OTOGL: variants seen among roughly 807,000 people sequenced by gnomAD.
OTOGL encodes the protein otogelin like.
OTOGL carries 285 observed loss-of-function variants against 318.5 expected under a neutral mutation model. The observed-to-expected ratio is 0.89, with a 90% CI of 0.81 to 0.99. The LOEUF is 0.99. Ranked by LOEUF, OTOGL falls within the 50% of genes least tolerant of loss-of-function variation. OTOGL has a pLI of 0.00. For missense variants in OTOGL, 2,899 were observed against 2,845.6 expected, an observed-to-expected ratio of 1.02 and a Z score of -0.43; for synonymous variants, 987 against 936.5, an observed-to-expected ratio of 1.05 and a Z score of -0.99.
At chr12:80,271,242 AG>A (rs1257345699) in intron 23 of OTOGL, among the ~76,000 whole-genome samples, 1 of 152,130 alleles carries the variant, frequency 6.6e-6, no homozygotes, top group Non-Finnish European at 1.5e-5. Flanking sequence ...AGAGCCCAAA[AG>A]CTTTCTGGAA....
chr12:80,152,407 C>T (rs980649709), intron 1 of OTOGL, among the ~76,000 whole-genome samples: 3 of 151,950 alleles, frequency 2.0e-5, no homozygotes, highest in Non-Finnish European at 4.4e-5. Flanking sequence ...TGAGATCTTC[C>T]CTCCCAAATT....
At chr12:80,368,360 C>T in intron 55 of OTOGL, 51 bp downstream of exon 55, 1 of 1,391,402 alleles carries the variant, frequency 7.2e-7, no homozygotes, top group Non-Finnish European at 9.9e-7. Context: ...AGGAGGAGTT[C>T]TTGAGTCAAA....
Position 80,304,011 on chromosome 12 carries a change from C to A in OTOGL, c.3213+1228C>A, listed in dbSNP as rs574361539. 2.2e-4 allele frequency among the ~76,000 whole-genome samples: 34 copies of A among 152,338 alleles called. No homozygotes were observed. The South Asian group carries it at 3.1e-3, about 14-fold the overall frequency. On this transcript the variant is annotated intron_variant, in intron 28 of 58. Transcript: ENST00000547103. ...CCTACCTTTACCTCCTAACCTCAGA[C>A]AACCACTGATTATATTTTCCACTGC...
At chr12:80,144,553 T>G (rs1046334501) in intron 1 of OTOGL, among the ~76,000 whole-genome samples, 4 of 151,024 alleles carry the variant, frequency 2.6e-5, no homozygotes, top group Non-Finnish European at 5.9e-5. Flanking sequence ...TGACTTATAG[T>G]CCTTTGGGTA....
intron 35 of OTOGL, among the ~76,000 whole-genome samples, chr12:80,327,451 C>G (rs1016630004): frequency 6.6e-6 from 1 of 152,092 alleles, no homozygotes. Context: ...TTCTTGAAAA[C>G]GATAGCTTCT....
chr12:80,148,854 GA>G (rs1199538606), intron 1 of OTOGL, among the ~76,000 whole-genome samples: 1 of 152,144 alleles, frequency 6.6e-6, no homozygotes, highest in East Asian at 1.9e-4. Context: ...ATCAGCTCCT[GA>G]GGCTTCTGCA....
At chr12:80,238,822 G>A (rs906597801) in intron 9 of OTOGL, 29 bp from the exon 10 acceptor site, 1 of 1,480,398 alleles carries the variant, frequency 6.8e-7, no homozygotes, top group African/African-American at 1.4e-5. Context: ...CTATTTGTGT[G>A]TGTGTGTGTG....
In OTOGL at chr12:80,339,106, C is replaced by G. The variant is rs1888587907; in HGVS notation, c.4892C>G (p.Pro1631Arg). Reference sequence around the variant, plus strand: ...GTGGATTCCATTGTTGTGCCTTTGCCCTTTTCAAGTCAGGAACTGTCCATA... The same window carrying G: ...GTGGATTCCATTGTTGTGCCTTTGCGCTTTTCAAGTCAGGAACTGTCCATA... The part of the protein sequence containing the change: ...VEVDSIVVPL[P>R]FSSQELSIED... The change falls in exon 43 of 59, where the codon CCC becomes CGC. Residue 1631 changes from proline (P) to arginine (R), a missense_variant. Physicochemically the swap from Pro to Arg is moderately radical, Grantham distance 103. Transcript: ENST00000547103. The G allele has an allele frequency of 6.2e-7, 1 of 1,610,206 alleles. No individual in the cohort carries two copies. Among genetic ancestry groups the G allele is most frequent in the African/African-American group, 1.3e-5 (1 of 74,708 alleles).
chr12:80,296,949 T>C lies in OTOGL; in HGVS notation c.3051T>C (p.Thr1017=). ...VGDTEIYLND[T]PYKQKQSGFF... is the part of the protein sequence containing the mutation. ...ACACTGAAATTTACCTGAATGATAC[T>C]CCTTACAAACAGGTTAGTGAATTAT... Residue 1017 remains threonine, a synonymous_variant, in exon 27 of 59, where the codon ACT becomes ACC. Coordinates refer to ENST00000547103, the MANE Select transcript of OTOGL (RefSeq NM_001378609.3). The C allele has an allele frequency of 6.4e-7, 1 of 1,550,622 alleles. No individual in the cohort carries two copies. The highest frequency in any genetic ancestry group is 1.2e-5 in the South Asian group (1 of 84,656).
rs374283275 is a variant in OTOGL at position 80,229,281 on chromosome 12, G to T, written c.514G>T (p.Gly172Cys). The T allele has an allele frequency of 1.9e-6, 3 of 1,597,474 alleles. No individual in the cohort carries two copies. The highest frequency in any genetic ancestry group is 1.1e-5 in the South Asian group (1 of 91,018). Residue 172 changes from glycine to cysteine, a missense_variant, in exon 8 of 59, where the codon GGT becomes TGT. Coordinates refer to ENST00000547103, the MANE Select transcript of OTOGL (RefSeq NM_001378609.3). Reference sequence around the variant, plus strand: ...GGTTCATAACAGCCCTAAATGCCTTGGTTCGGTGTATTCTTGTTATCGGTC... The same window carrying T: ...GGTTCATAACAGCCCTAAATGCCTTTGTTCGGTGTATTCTTGTTATCGGTC... Reference protein sequence around the residue: ...VWVHNSPKCLGSVYSCYRSIS... With the variant: ...VWVHNSPKCLCSVYSCYRSIS...
chr12:80,115,036 A>G (rs928180357), intron 1 of OTOGL, among the ~76,000 whole-genome samples: 2 of 151,756 alleles, frequency 1.3e-5, no homozygotes, highest in South Asian at 2.1e-4. Context: ...GCTTCCTTGC[A>G]TTGGGTTAGA....
chr12:80,325,378 C>T (rs954354435), intron 35 of OTOGL, among the ~76,000 whole-genome samples: 18 of 152,236 alleles, frequency 1.2e-4, no homozygotes, highest in African/African-American at 4.3e-4. Flanking sequence ...GTAAAAACAA[C>T]AGCTAACACA....
intron 7 of OTOGL, among the ~76,000 whole-genome samples, chr12:80,228,441 CA>C: frequency 6.6e-6 from 1 of 150,824 alleles, no homozygotes; most frequent in Admixed American, 6.6e-5. Context: ...GGCTCTATCT[CA>C]AAAAACAAAC....
At chr12:80,204,916 A>C (rs1265934724) in intron 1 of OTOGL, among the ~76,000 whole-genome samples, 1 of 152,106 alleles carries the variant, frequency 6.6e-6, no homozygotes, top group African/African-American at 2.4e-5. Flanking sequence ...AGGGGAACAT[A>C]CTCAACTTTG....
At chr12:80,364,653 A>G (rs529333713) in intron 52 of OTOGL, among the ~76,000 whole-genome samples, 1 of 152,014 alleles carries the variant, frequency 6.6e-6, no homozygotes, top group African/African-American at 2.4e-5. Context: ...ATTTCCTATA[A>G]AGAGAATTGT....
chr12:80,138,773 G>T (rs1871740786), intron 1 of OTOGL, among the ~76,000 whole-genome samples: 2 of 152,144 alleles, frequency 1.3e-5, no homozygotes, highest in African/African-American at 4.8e-5. Context: ...TGTTCACAGA[G>T]AATAGAAGTT....
rs1877876646 is a variant in OTOGL at position 80,217,684 on chromosome 12, T to A, written c.235+20T>A. 1.4e-6 allele frequency: 2 copies of A among 1,468,294 alleles called. No individual in the cohort carries two copies. Among genetic ancestry groups the A allele is most frequent in the East Asian group, 4.7e-5 (2 of 42,642 alleles). 91.0% of individuals were successfully genotyped at this position (1,468,294 alleles called of 1,614,324 possible). On this transcript the variant is annotated intron_variant, in intron 5 of 58. Coordinates refer to ENST00000547103, the MANE Select transcript of OTOGL (RefSeq NM_001378609.3). ...TAAAAGGTCAGTGTTTATACTTAGG[T>A]TTTCATATTTGCTTTCTCAGAAAAT...
chr12:80,206,463 T>A (rs1876816867), intron 1 of OTOGL, among the ~76,000 whole-genome samples: 1 of 152,170 alleles, frequency 6.6e-6, no homozygotes, highest in Non-Finnish European at 1.5e-5. Flanking sequence ...GCTTGCTCTA[T>A]CTATAAAATA....
chr12:80,230,935 C>T (rs966424926), intron 8 of OTOGL, among the ~76,000 whole-genome samples: 5 of 152,164 alleles, frequency 3.3e-5, no homozygotes, highest in Non-Finnish European at 7.4e-5. Flanking sequence ...TGAATATTGT[C>T]TAGTTTAAAC....
Sources: gnomAD v4.1 joint callset for allele counts (sites outside exome capture counted in the v4.1 genomes callset) on GRCh38, gnomAD v4.1.1 for gene constraint, MANE v1.5 for transcripts, NCBI Gene and HGNC (gene_info 2026-07-23, HGNC 2026-07-21) for gene names.